ESRRG: variants seen among roughly 807,000 people sequenced by gnomAD.
ESRRG encodes estrogen-related receptor gamma.
ESRRG carries 13 observed loss-of-function variants against 44.0 expected under a neutral mutation model. The ratio of observed to expected loss-of-function variants is 0.30; its 90% CI spans 0.19 to 0.47. The LOEUF (loss-of-function observed/expected upper bound fraction) is 0.47, where lower values mean the gene tolerates loss of function less well. Among genes scored for constraint, ESRRG ranks in the 20% least tolerant of loss-of-function variants. The pLI is 1.00. For synonymous variants in ESRRG, 215 were observed against 214.6 expected, an observed-to-expected ratio of 1.00 and a Z score of -0.02; for missense variants, 395 against 580.6, an observed-to-expected ratio of 0.68 and a Z score of 3.29.
intron 1 of ESRRG, among the ~76,000 whole-genome samples, chr1:217,060,211 T>C (rs536639381): frequency 5.3e-5 from 8 of 152,154 alleles, no homozygotes; most frequent in African/African-American, 1.9e-4. Flanking sequence ...TCTATTTGTG[T>C]TTTAATTACA....
At chr1:216,809,719 G>C (rs1006492584) in intron 2 of ESRRG, among the ~76,000 whole-genome samples, 2 of 152,048 alleles carry the variant, frequency 1.3e-5, no homozygotes, top group South Asian at 4.2e-4. Flanking sequence ...TAACAGGTGG[G>C]CCCCTCAAGC....
At chr1:217,115,586 G>T (rs1402098266) in intron 1 of ESRRG, among the ~76,000 whole-genome samples, 2 of 151,980 alleles carry the variant, frequency 1.3e-5, no homozygotes, top group Non-Finnish European at 2.9e-5. Flanking sequence ...CCCTGTACTT[G>T]CTGTCCTCTC....
intron 2 of ESRRG, among the ~76,000 whole-genome samples, chr1:216,790,174 A>G (rs1013238719): frequency 7.9e-5 from 12 of 152,162 alleles, no homozygotes; most frequent in Non-Finnish European, 1.2e-4. Context: ...ACAACCTGCC[A>G]TAGTCACTTC....
chr1:216,918,837 G>GAT (rs921867704), intron 2 of ESRRG, among the ~76,000 whole-genome samples: 1 of 147,882 alleles, frequency 6.8e-6, no homozygotes, highest in Non-Finnish European at 1.5e-5. Context: ...TCTGATCGTA[G>GAT]ATATATATAT....
intron 2 of ESRRG, among the ~76,000 whole-genome samples, chr1:216,872,271 A>C (rs758349504): frequency 2.0e-5 from 3 of 152,088 alleles, no homozygotes; most frequent in Non-Finnish European, 4.4e-5. Context: ...ATGTGTCTGA[A>C]CATGGATTTA....
At chr1:217,047,825 T>G (rs1408850355) in intron 1 of ESRRG, among the ~76,000 whole-genome samples, 1 of 152,148 alleles carries the variant, frequency 6.6e-6, no homozygotes, top group Non-Finnish European at 1.5e-5. Context: ...AATCCCATAG[T>G]TAAGTGCTTT....
intron 1 of ESRRG, among the ~76,000 whole-genome samples, chr1:216,712,347 A>C (rs1029420608): frequency 6.6e-6 from 1 of 152,212 alleles, no homozygotes; most frequent in Non-Finnish European, 1.5e-5. Context: ...AGAAAATCTT[A>C]TCCTTGAGGT....
At chr1:216,698,283 C>T (rs1427616150) in intron 1 of ESRRG, among the ~76,000 whole-genome samples, 1 of 151,888 alleles carries the variant, frequency 6.6e-6, no homozygotes, top group African/African-American at 2.4e-5. Flanking sequence ...TTTGGGAGGC[C>T]GAGGCAGGTG....
chr1:216,553,420 T>C (rs536716329), intron 5 of ESRRG, among the ~76,000 whole-genome samples: 187 of 152,314 alleles, frequency 1.2e-3, no homozygotes, highest in Non-Finnish European at 2.3e-3. Context: ...ACCTGGACAT[T>C]CAGTTTTCAA....
intron 6 of ESRRG, 79 bp from the exon 7 acceptor site, chr1:216,507,262 A>C: frequency 1.1e-6 from 1 of 948,666 alleles, no homozygotes; most frequent in Non-Finnish European, 1.5e-6. Context: ...AAAATTAGTT[A>C]TTAATTTAAT....
At chr1:216,725,042 C>A (rs150849354), upstream of ESRRG, among the ~76,000 whole-genome samples, 144 of 152,196 alleles carry the variant, frequency 9.5e-4, no homozygotes, top group Middle Eastern at 3.4e-3. Flanking sequence ...ACTCCCTTAA[C>A]CCTCTCAAAT....
At chr1:216,645,318 G>A (rs1353706) in intron 3 of ESRRG, among the ~76,000 whole-genome samples, 126,197 of 152,048 alleles carry the variant, frequency 0.83, 52,602 homozygotes, top group Middle Eastern at 0.86. Flanking sequence ...GGTAGTTCCA[G>A]CTTCATTGAT....
intron 1 of ESRRG, among the ~76,000 whole-genome samples, chr1:217,052,909 G>A (rs2086308662): frequency 6.6e-6 from 1 of 152,162 alleles, no homozygotes; most frequent in Admixed American, 6.6e-5. Context: ...TATCATGGGA[G>A]CTTTGATGAA....
intron 2 of ESRRG, among the ~76,000 whole-genome samples, chr1:216,936,239 G>A (rs2064133451): frequency 6.6e-6 from 1 of 152,102 alleles, no homozygotes; most frequent in South Asian, 2.1e-4. Flanking sequence ...CATAGTAGAT[G>A]TTTGGCTTCT....
chr1:216,648,141 A>G (rs2068049396), intron 3 of ESRRG, among the ~76,000 whole-genome samples: 1 of 152,196 alleles, frequency 6.6e-6, no homozygotes, highest in African/African-American at 2.4e-5. Flanking sequence ...CATTTCAGAC[A>G]GTATCATTCT....
chr1:216,903,258 G>C (rs1239547314), intron 2 of ESRRG, among the ~76,000 whole-genome samples: 3 of 152,112 alleles, frequency 2.0e-5, no homozygotes, highest in Non-Finnish European at 4.4e-5. Context: ...GACTACAGGA[G>C]ACATTACCCA....
At chr1:217,010,121 G>A (rs1033065039) in intron 1 of ESRRG, among the ~76,000 whole-genome samples, 1 of 152,040 alleles carries the variant, frequency 6.6e-6, no homozygotes, top group Non-Finnish European at 1.5e-5. Flanking sequence ...CACTGTAGGG[G>A]GAAACATCAG....
At chr1:216,813,625 T>A (rs2576235) in intron 2 of ESRRG, among the ~76,000 whole-genome samples, 32,025 of 152,216 alleles carry the variant, frequency 0.21, 4,141 homozygotes, top group East Asian at 0.37. Flanking sequence ...TTGGAAGTCA[T>A]TTAAGTCCAT....
intron 1 of ESRRG, among the ~76,000 whole-genome samples, chr1:216,686,856 C>G (rs2078075492): frequency 6.6e-6 from 1 of 152,050 alleles, no homozygotes; most frequent in Non-Finnish European, 1.5e-5. Flanking sequence ...CAACTTCAGC[C>G]CTGTTTAAAA....
Sources: gnomAD v4.1 joint callset for allele counts (sites outside exome capture counted in the v4.1 genomes callset) on GRCh38, gnomAD v4.1.1 for gene constraint, MANE v1.5 for transcripts, NCBI Gene and HGNC (gene_info 2026-07-23, HGNC 2026-07-21) for gene names.